The following RAPGEF6 variants were observed in gnomAD, a reference collection of about 807,000 sequenced individuals.
RAPGEF6 encodes Rap guanine nucleotide exchange factor 6.
RAPGEF6 carries 56 observed loss-of-function variants against 171.4 expected under a neutral mutation model. The ratio of observed to expected loss-of-function variants is 0.33; its 90% CI spans 0.26 to 0.41. RAPGEF6 has a LOEUF of 0.41. RAPGEF6 is among the 10% of genes least tolerant of loss of function. RAPGEF6 has a pLI of 1.00. For missense variants in RAPGEF6, 1,674 were observed against 1,921.4 expected (o/e 0.87, Z 2.41); for synonymous variants, 692 against 650.1 (o/e 1.06, Z -0.98).
At chr5:131,627,860 T>G (rs1382955343) in intron 1 of RAPGEF6, among the ~76,000 whole-genome samples, 2 of 152,214 alleles carry the variant, frequency 1.3e-5, no homozygotes, top group Non-Finnish European at 2.9e-5. Context: ...CATTTCAAAC[T>G]TTTTCATTAT....
chr5:131,526,925 ATACTT>A (rs1284712047), intron 6 of RAPGEF6, among the ~76,000 whole-genome samples: 1 of 152,220 alleles, frequency 6.6e-6, no homozygotes, highest in Non-Finnish European at 1.5e-5. Flanking sequence ...AGTCTGCTGA[ATACTT>A]TGTATATATA....
In RAPGEF6 at chr5:131,542,676, G is replaced by A. The variant is rs556392052; in HGVS notation, c.495+5371C>T. ...AGATATTATGGGAGTGCAGATATGT[G>A]CTTAATCCTTCCCAAGAAAGAAATC... On this transcript the variant is annotated intron_variant, in intron 6 of 27. Coordinates refer to ENST00000509018, the MANE Select transcript of RAPGEF6 (RefSeq NM_016340.6). 3.4e-3 allele frequency among the ~76,000 whole-genome samples: 514 copies of A among 152,304 alleles called. 1 individual carries two copies. The highest frequency in any genetic ancestry group is 5.6e-3 in the Non-Finnish European group (384 of 68,006).
At chr5:131,445,901 T>C (rs1016265600) in intron 22 of RAPGEF6, among the ~76,000 whole-genome samples, 2 of 152,206 alleles carry the variant, frequency 1.3e-5, no homozygotes, top group Non-Finnish European at 2.9e-5. Context: ...TTATCTTTGA[T>C]TTCTGCTCTT....
chr5:131,569,009 T>C (rs1762117524), intron 4 of RAPGEF6, among the ~76,000 whole-genome samples: 1 of 152,292 alleles, frequency 6.6e-6, no homozygotes, highest in Non-Finnish European at 1.5e-5. Flanking sequence ...AATAAAATAT[T>C]TGGAAATGAT....
intron 1 of RAPGEF6, among the ~76,000 whole-genome samples, chr5:131,625,010 T>A (rs1765818567): frequency 6.6e-6 from 1 of 152,018 alleles, no homozygotes; most frequent in Admixed American, 6.6e-5. Flanking sequence ...ACACCTGTAA[T>A]CCCAGCACTT....
Position 131,510,386 on chromosome 5 carries a change from G to T in RAPGEF6, c.733C>A (p.Pro245Thr). ...EEDEEIDRTD[P>T]LQGRDLVREC... ...CGAACAAGATCTCGCCCCTGCAATG[G>T]ATCTGTTCGATCAATCTCTTCATCT... The change falls in exon 8 of 28, where the codon CCA (proline) becomes ACA (threonine). Residue 245 changes from proline (P) to threonine (T), a missense_variant. Around this residue, in one of 3 missense-constraint regions of RAPGEF6, gnomAD observed 1,116 missense variants for 1,321.5 expected, o/e 0.84. Coordinates refer to ENST00000509018, the MANE Select transcript of RAPGEF6 (RefSeq NM_016340.6). 6.2e-7 allele frequency: 1 copy of T among 1,614,058 alleles called. No individual in the cohort carries two copies. Among genetic ancestry groups the T allele is most frequent in the South Asian group, 1.1e-5 (1 of 91,076 alleles).
intron 4 of RAPGEF6, among the ~76,000 whole-genome samples, chr5:131,589,795 G>C (rs758096701): frequency 2.0e-5 from 3 of 152,156 alleles, no homozygotes; most frequent in Non-Finnish European, 2.9e-5. Flanking sequence ...CAGCTTCAGG[G>C]GCCATCTGCA....
chr5:131,529,473 C>CAAA (rs57223880), intron 6 of RAPGEF6, among the ~76,000 whole-genome samples: 1 of 142,560 alleles, frequency 7.0e-6, no homozygotes, highest in African/African-American at 2.6e-5. Flanking sequence ...GAGACTCTGT[C>CAAA]AAAAAAAAAA....
At chr5:131,577,799 C>T (rs1363516329) in intron 4 of RAPGEF6, among the ~76,000 whole-genome samples, 8 of 152,170 alleles carry the variant, frequency 5.3e-5, no homozygotes, top group Non-Finnish European at 1.0e-4. Flanking sequence ...AAGTACTCTC[C>T]CCTACTTCCC....
intron 4 of RAPGEF6, among the ~76,000 whole-genome samples, chr5:131,566,751 C>A (rs981947737): frequency 6.7e-6 from 1 of 149,058 alleles, no homozygotes; most frequent in Admixed American, 6.6e-5. Flanking sequence ...TTTTTTTGAG[C>A]CTTTTTTTGT....
intron 19 of RAPGEF6, among the ~76,000 whole-genome samples, chr5:131,460,135 T>A (rs1216212651): frequency 6.6e-6 from 1 of 152,150 alleles, no homozygotes; most frequent in African/African-American, 2.4e-5. Flanking sequence ...GAACAAATAT[T>A]CTTTGTAACA....
chr5:131,427,257 A>T lies in RAPGEF6; in HGVS notation c.*9T>A. 1.9e-6 allele frequency: 3 copies of T among 1,609,002 alleles called. No homozygotes were observed. Among genetic ancestry groups the T allele is most frequent in the Non-Finnish European group, 2.6e-6 (3 of 1,175,380 alleles). On this transcript the variant is annotated 3_prime_UTR_variant, in exon 28 of 28. Transcript: ENST00000509018. ...ACTTTCAGTGGTTTTCAAATAGGTC[A>T]TCCAAAGGCTAGACTGCTGAAACTT...
chr5:131,455,448 A>C (rs1167944553), intron 20 of RAPGEF6, among the ~76,000 whole-genome samples: 1 of 152,098 alleles, frequency 6.6e-6, no homozygotes, highest in African/African-American at 2.4e-5. Context: ...TTTAGTAGAG[A>C]TGGGTTTCAC....
chr5:131,588,021 A>G (rs1449254946), intron 4 of RAPGEF6, among the ~76,000 whole-genome samples: 6 of 150,452 alleles, frequency 4.0e-5, no homozygotes, highest in African/African-American at 1.5e-4. Context: ...TTTTGTAGCT[A>G]TCTTATTTAG....
At chr5:131,433,148 C>T (rs573541055) in intron 25 of RAPGEF6, among the ~76,000 whole-genome samples, 84 of 152,140 alleles carry the variant, frequency 5.5e-4, no homozygotes, top group African/African-American at 1.9e-3. Context: ...AATTATCTCC[C>T]CTATATAAGT....
intron 1 of RAPGEF6, among the ~76,000 whole-genome samples, chr5:131,632,311 G>C (rs1766365988): frequency 6.6e-6 from 1 of 152,042 alleles, no homozygotes. Flanking sequence ...TAGGGCCTTT[G>C]CAACGATTGC....
At chr5:131,564,799 G>T (rs1561566463) in intron 4 of RAPGEF6, among the ~76,000 whole-genome samples, 1 of 152,142 alleles carries the variant, frequency 6.6e-6, no homozygotes, top group Admixed American at 6.5e-5. Flanking sequence ...GAACACAACA[G>T]AGAGATATAA....
intron 15 of RAPGEF6, among the ~76,000 whole-genome samples, chr5:131,488,252 G>C (rs1193792366): frequency 2.6e-5 from 4 of 152,086 alleles, no homozygotes; most frequent in Non-Finnish European, 5.9e-5. Flanking sequence ...AGAGTTCATG[G>C]GGGTTCACAC....
chr5:131,485,420 G>A (rs536059238), intron 15 of RAPGEF6, among the ~76,000 whole-genome samples: 3 of 152,298 alleles, frequency 2.0e-5, no homozygotes, highest in African/African-American at 7.2e-5. Flanking sequence ...ATGGCTGTGA[G>A]CACTTGCATG....
Sources: allele counts gnomAD v4.1 joint callset (sites outside exome capture counted in the v4.1 genomes callset), GRCh38; gene constraint gnomAD v4.1.1; regional missense constraint gnomAD v4.1.1; transcripts MANE v1.5; gene names NCBI Gene and HGNC (gene_info 2026-07-23, HGNC 2026-07-21).